The following CYP39A1 variants were observed in gnomAD, a reference collection of about 807,000 sequenced individuals.
The protein encoded by CYP39A1 is 24-hydroxycholesterol 7-alpha-hydroxylase.
CYP39A1 carries 49 observed loss-of-function variants against 58.1 expected under a neutral mutation model. That is an observed-to-expected ratio of 0.84 (90% CI 0.67 to 1.07). The LOEUF (loss-of-function observed/expected upper bound fraction) is 1.07, where lower values mean the gene tolerates loss of function less well. CYP39A1 is among the 50% of genes least tolerant of loss of function. The pLI is 0.00. For missense variants in CYP39A1, 531 were observed against 539.4 expected, an observed-to-expected ratio of 0.98 and a Z score of 0.16; for synonymous variants, 209 against 187.6, an observed-to-expected ratio of 1.11 and a Z score of -0.93.
chr6:46,566,951 G>A (rs761946086), intron 10 of CYP39A1, among the ~76,000 whole-genome samples: 7 of 151,822 alleles, frequency 4.6e-5, no homozygotes, highest in Non-Finnish European at 8.8e-5. Flanking sequence ...TAACATATCC[G>A]TCACCTCATG....
chr6:46,599,175 T>G (rs1048672199), intron 7 of CYP39A1, among the ~76,000 whole-genome samples: 66 of 152,106 alleles, frequency 4.3e-4, no homozygotes, highest in African/African-American at 1.6e-3. Flanking sequence ...AAGTGCTGAG[T>G]ATGAAGATGT....
chr6:46,588,979 T>A (rs1229096132), intron 8 of CYP39A1, among the ~76,000 whole-genome samples: 1 of 152,146 alleles, frequency 6.6e-6, no homozygotes, highest in Admixed American at 6.6e-5. Flanking sequence ...TCCCAAGTTT[T>A]ATAATTGCTA....
chr6:46,644,207 T>A (rs1776511766), intron 1 of CYP39A1, among the ~76,000 whole-genome samples: 1 of 152,224 alleles, frequency 6.6e-6, no homozygotes, highest in South Asian at 2.1e-4. Context: ...AATTTCACTA[T>A]GTCATATAAA....
rs151102551 is a variant in CYP39A1 at position 46,600,160 on chromosome 6, G to A, written c.932-4040C>T. Among the ~76,000 whole-genome samples, 131 of 151,034 alleles carry A rather than the reference G, an allele frequency of 8.7e-4. 5 individuals carry two copies. The South Asian group carries it at 0.012, about 14-fold the overall frequency. On this transcript the variant is annotated intron_variant, in intron 7 of 11. Coordinates refer to ENST00000275016, the MANE Select transcript of CYP39A1 (RefSeq NM_016593.5). ...TTTCTTTTTTTTGACATGGAGACTC[G>A]CTCTGTTACCCAAGTTGGAGTGCAG...
At chr6:46,608,626 T>A (rs1000659437) in intron 7 of CYP39A1, among the ~76,000 whole-genome samples, 2 of 152,110 alleles carry the variant, frequency 1.3e-5, no homozygotes, top group African/African-American at 4.8e-5. Context: ...ATTTATTTTT[T>A]TTTTTGAGAC....
At chr6:46,648,554 GAT>G (rs1194783508) in intron 1 of CYP39A1, among the ~76,000 whole-genome samples, 1 of 150,426 alleles carries the variant, frequency 6.6e-6, no homozygotes, top group Non-Finnish European at 1.5e-5. Flanking sequence ...AGCATTAGGA[GAT>G]ATACCTAATA....
chr6:46,612,196 T>C (rs1365785213), intron 7 of CYP39A1, among the ~76,000 whole-genome samples: 1 of 152,230 alleles, frequency 6.6e-6, no homozygotes, highest in Non-Finnish European at 1.5e-5. Context: ...CAAAATCTCT[T>C]GAGCTAGGGT....
At chr6:46,639,811 G>C (rs1430264360) in intron 2 of CYP39A1, 143 bp from the exon 3 acceptor site, 1 of 660,350 alleles carries the variant, frequency 1.5e-6, no homozygotes. Flanking sequence ...AATAAAAGTA[G>C]ATAAAGATTC....
intron 10 of CYP39A1, among the ~76,000 whole-genome samples, chr6:46,560,166 G>C (rs980921923): frequency 6.6e-6 from 1 of 152,158 alleles, no homozygotes; most frequent in Admixed American, 6.5e-5. Context: ...GAAATGATGA[G>C]AAGGCTAGTA....
At chr6:46,578,459 G>T (rs191181545) in intron 10 of CYP39A1, among the ~76,000 whole-genome samples, 5 of 151,452 alleles carry the variant, frequency 3.3e-5, no homozygotes, top group Admixed American at 1.3e-4. Flanking sequence ...AAATCGAGAC[G>T]CAAAAATCCA....
chr6:46,578,758 T>C (rs1771972998), intron 10 of CYP39A1, among the ~76,000 whole-genome samples: 1 of 152,054 alleles, frequency 6.6e-6, no homozygotes, highest in Middle Eastern at 3.2e-3. Context: ...ACTGAAATCC[T>C]GAACAGACCA....
At chr6:46,594,585 G>T (rs1426051247) in intron 8 of CYP39A1, among the ~76,000 whole-genome samples, 1 of 151,992 alleles carries the variant, frequency 6.6e-6, no homozygotes, top group Non-Finnish European at 1.5e-5. Flanking sequence ...AATAAATGAT[G>T]TTGGGAAAAC....
intron 5 of CYP39A1, among the ~76,000 whole-genome samples, chr6:46,635,377 C>T (rs571647152): frequency 6.6e-6 from 1 of 152,164 alleles, no homozygotes; most frequent in East Asian, 1.9e-4. Context: ...TGAGCCTAGA[C>T]AGTCCAGACC....
chr6:46,615,126 C>T (rs1338833650), intron 7 of CYP39A1, among the ~76,000 whole-genome samples: 5 of 152,044 alleles, frequency 3.3e-5, no homozygotes, highest in African/African-American at 1.2e-4. Flanking sequence ...CATTTTTCTG[C>T]CCACTATGGT....
chr6:46,567,996 T>TA (rs34700611), intron 10 of CYP39A1, among the ~76,000 whole-genome samples: 143 of 75,976 alleles, frequency 1.9e-3, no homozygotes, highest in Middle Eastern at 5.7e-3. Context: ...CATTTTTTTT[T>TA]AAAAAAAAAA....
At chr6:46,600,230 G>A (rs1773408067) in intron 7 of CYP39A1, among the ~76,000 whole-genome samples, 1 of 151,854 alleles carries the variant, frequency 6.6e-6, no homozygotes, top group Non-Finnish European at 1.5e-5. Context: ...CCAGGTTCAA[G>A]CGATTCAGCC....
chr6:46,556,028 T>A (rs1034378708), intron 10 of CYP39A1, among the ~76,000 whole-genome samples: 4 of 152,306 alleles, frequency 2.6e-5, no homozygotes, highest in Middle Eastern at 3.4e-3. Context: ...AAAAACAACT[T>A]TGCTAACTCA....
intron 7 of CYP39A1, among the ~76,000 whole-genome samples, chr6:46,610,078 T>A (rs1353403356): frequency 6.6e-6 from 1 of 152,230 alleles, no homozygotes; most frequent in East Asian, 1.9e-4. Flanking sequence ...AGAATATTAA[T>A]TCTTTCCAAA....
At chr6:46,597,993 G>A (rs1485207661) in intron 7 of CYP39A1, among the ~76,000 whole-genome samples, 3 of 151,958 alleles carry the variant, frequency 2.0e-5, no homozygotes, top group African/African-American at 4.8e-5. Context: ...TTCCTTTTCC[G>A]TAACAAAGAT....
Sources: gnomAD v4.1 joint callset for allele counts (sites outside exome capture counted in the v4.1 genomes callset) on GRCh38, gnomAD v4.1.1 for gene constraint, MANE v1.5 for transcripts, NCBI Gene and HGNC (gene_info 2026-07-23, HGNC 2026-07-21) for gene names.